Variants in SUZ12 observed in about 807,000 individuals in gnomAD.
SUZ12 encodes the protein SUZ12 polycomb repressive complex 2 subunit.
Under a neutral mutation model 87.3 loss-of-function variants are expected in SUZ12, and 17 were observed. The ratio of observed to expected loss-of-function variants is 0.19; its 90% CI spans 0.13 to 0.29. The LOEUF is 0.29. SUZ12 is among the 10% of genes least tolerant of loss of function. The pLI is 1.00. For synonymous variants in SUZ12, 253 were observed against 312.4 expected (o/e 0.81, Z 2.01); for missense variants, 526 against 912.2 (o/e 0.58, Z 5.45).
At chr17:31,976,876 C>A (rs1009867565) in intron 8 of SUZ12, among the ~76,000 whole-genome samples, 4 of 152,134 alleles carry the variant, frequency 2.6e-5, no homozygotes, top group Non-Finnish European at 4.4e-5. Flanking sequence ...AGACACTGTT[C>A]TAGACATTAA....
rs1908045811 is a variant in SUZ12 at position 31,965,700 on chromosome 17, T to G, written c.456-447T>G. ...GGATTTAGCTACGCTTTTCAAAATT[T>G]CCTTTTGATGAAGTCATTGACTAAA... is the stretch of plus-strand genomic sequence containing the variant. On this transcript the variant is annotated intron_variant, in intron 4 of 15. Transcript: ENST00000322652. 3 of 152,640 alleles carry G rather than the reference T, an allele frequency of 2.0e-5. No individual in the cohort carries two copies. The South Asian group carries it at 6.2e-4, about 32-fold the overall frequency. The allele number at this position is 152,640 out of a possible 1,614,324, so 9.5% of individuals were successfully genotyped here. A position where few individuals can be genotyped will look rare whatever the true frequency, so the allele number is the denominator to read the frequency against.
chr17:31,972,400 T>TATAA (rs1555590196), intron 5 of SUZ12, among the ~76,000 whole-genome samples: 5 of 149,462 alleles, frequency 3.3e-5, no homozygotes, highest in South Asian at 2.1e-4. Context: ...TATATATATA[T>TATAA]ATATAAATAG....
At position 31,995,652 on chromosome 17, in the gene SUZ12, A is replaced by G; in HGVS notation, c.1684A>G (p.Asn562Asp). 1 of 1,614,054 alleles carries G rather than the reference A, an allele frequency of 6.2e-7. No homozygotes were observed. The highest frequency in any genetic ancestry group is 8.5e-7 in the Non-Finnish European group (1 of 1,179,934). Residue 562 changes from asparagine to aspartate, a missense_variant, in exon 14 of 16, where the codon AAT (asparagine) becomes GAT (aspartate). Physicochemically the swap from Asn to Asp is conservative, Grantham distance 23. Around this residue, in one of 9 missense-constraint regions of SUZ12, gnomAD observed 143 missense variants for 321.6 expected, o/e 0.44. Coordinates refer to ENST00000322652, the MANE Select transcript of SUZ12 (RefSeq NM_015355.4). The stretch of plus-strand genomic sequence containing the variant: ...GCAAAGAACATATAGTAGTGGCCAC[A>G]ATCGTCTGTATTTCCATAGTGATAC... ...EQQRTYSSGH[N>D]RLYFHSDTCL... is the part of the protein sequence containing the mutation.
intron 5 of SUZ12, among the ~76,000 whole-genome samples, chr17:31,971,583 A>G (rs754365147): frequency 1.9e-4 from 29 of 151,898 alleles, no homozygotes; most frequent in Non-Finnish European, 3.2e-4. Context: ...GGCATGCACC[A>G]CCATGCCTGG....
intron 3 of SUZ12, among the ~76,000 whole-genome samples, chr17:31,945,130 C>T (rs1429052190): frequency 1.4e-5 from 2 of 148,144 alleles, no homozygotes; most frequent in African/African-American, 4.9e-5. Context: ...GATCTTATTA[C>T]TTATTAGGAC....
At chr17:31,968,882 TC>T (rs1908250944) in intron 5 of SUZ12, among the ~76,000 whole-genome samples, 2 of 152,228 alleles carry the variant, frequency 1.3e-5, no homozygotes, top group Admixed American at 6.5e-5. Flanking sequence ...TAAGCTTTTT[TC>T]CTATCTTCAT....
intron 7 of SUZ12, among the ~76,000 whole-genome samples, chr17:31,975,927 C>T (rs1908721269): frequency 6.6e-6 from 1 of 152,280 alleles, no homozygotes; most frequent in South Asian, 2.1e-4. Flanking sequence ...CTCTTAGATT[C>T]AACAATGAAC....
chr17:31,939,552 C>T (rs1312060041), intron 1 of SUZ12, among the ~76,000 whole-genome samples: 4 of 144,326 alleles, frequency 2.8e-5, no homozygotes, highest in African/African-American at 1.0e-4. Flanking sequence ...GACGAAGTTT[C>T]GCTCTTTATT....
intron 12 of SUZ12, 103 bp downstream of exon 12, chr17:31,994,111 G>A: frequency 2.6e-6 from 3 of 1,161,682 alleles, no homozygotes; most frequent in Non-Finnish European, 3.5e-6. Context: ...ATTAAAAAAG[G>A]GAAAAAATAT....
intron 15 of SUZ12, 39 bp downstream of exon 15, chr17:31,996,916 C>G: frequency 8.3e-7 from 1 of 1,207,538 alleles, no homozygotes; most frequent in Non-Finnish European, 1.1e-6. Context: ...TTTTATTATT[C>G]TTTATGGTCT....
At chr17:31,992,654 C>T (rs1256347736) in intron 10 of SUZ12, among the ~76,000 whole-genome samples, 2 of 152,074 alleles carry the variant, frequency 1.3e-5, no homozygotes, top group African/African-American at 4.8e-5. Flanking sequence ...TCGTGATCCA[C>T]CCGCCTCGGC....
At chr17:31,976,235 G>T (rs1052925575) in intron 7 of SUZ12, among the ~76,000 whole-genome samples, 1 of 152,234 alleles carries the variant, frequency 6.6e-6, no homozygotes, top group Non-Finnish European at 1.5e-5. Context: ...AGTATTGTTT[G>T]AAGTTTTTGG....
chr17:31,959,441 G>C (rs473456), intron 4 of SUZ12, among the ~76,000 whole-genome samples: 23,726 of 152,156 alleles, frequency 0.16, 2,070 homozygotes, highest in African/African-American at 0.22. Flanking sequence ...CTTCTCATTA[G>C]AAAGTGCGTC....
At chr17:31,940,121 A>G (rs1451205506) in intron 1 of SUZ12, among the ~76,000 whole-genome samples, 165 bp from the exon 2 acceptor site, 1 of 152,088 alleles carries the variant, frequency 6.6e-6, no homozygotes, top group Non-Finnish European at 1.5e-5. Context: ...ATACCTTTTG[A>G]TCTTACTGTG....
chr17:31,974,209 AG>A (rs1257184480), intron 6 of SUZ12, among the ~76,000 whole-genome samples: 1 of 148,786 alleles, frequency 6.7e-6, no homozygotes, highest in Non-Finnish European at 1.5e-5. Context: ...AACTGTCTCA[AG>A]AAAAAAAAAA....
intron 4 of SUZ12, among the ~76,000 whole-genome samples, chr17:31,949,777 G>A (rs989702528): frequency 7.3e-5 from 10 of 136,902 alleles, no homozygotes; most frequent in African/African-American, 2.5e-4. Flanking sequence ...TCCACCTCCC[G>A]GGCTCAAGCA....
intron 8 of SUZ12, among the ~76,000 whole-genome samples, chr17:31,981,008 G>T (rs906082210): frequency 4.6e-5 from 7 of 151,580 alleles, no homozygotes; most frequent in African/African-American, 9.7e-5. Flanking sequence ...CTCTAGCCTG[G>T]GTGACACAGC....
chr17:31,990,721 G>C (rs1252825529), intron 10 of SUZ12, among the ~76,000 whole-genome samples: 2 of 151,910 alleles, frequency 1.3e-5, no homozygotes, highest in Non-Finnish European at 2.9e-5. Context: ...TGAGTTTAAG[G>C]CCCAAGTTGC....
At chr17:31,961,221 A>G (rs1325661059) in intron 4 of SUZ12, among the ~76,000 whole-genome samples, 1 of 151,712 alleles carries the variant, frequency 6.6e-6, no homozygotes, top group Non-Finnish European at 1.5e-5. Context: ...TCAAAAAAAA[A>G]AAAAATTCTT....
Sources: gnomAD v4.1 joint callset for allele counts (sites outside exome capture counted in the v4.1 genomes callset) on GRCh38, gnomAD v4.1.1 for gene constraint, gnomAD v4.1.1 regional missense constraint, MANE v1.5 for transcripts, NCBI Gene and HGNC (gene_info 2026-07-23, HGNC 2026-07-21) for gene names.